Variants in KRABD5 observed in about 807,000 individuals in gnomAD.
KRABD5 encodes the protein KRAB domain-containing protein 5.
the KRABD5 span, among the ~76,000 whole-genome samples, chr16:31,743,504 G>T: frequency 6.6e-6 from 1 of 152,022 alleles, no homozygotes; most frequent in Non-Finnish European, 1.5e-5. Context: ...TACCAGTACC[G>T]TGCTGTTTTG....
chr16:31,758,816 A>C, the KRABD5 span: 1 of 152,098 alleles, frequency 6.6e-6, no homozygotes, highest in Admixed American at 6.6e-5. Flanking sequence ...GCATATTTTA[A>C]GTATCTACCA....
the KRABD5 span, among the ~76,000 whole-genome samples, chr16:31,738,344 A>G: frequency 6.6e-6 from 1 of 152,134 alleles, no homozygotes; most frequent in African/African-American, 2.4e-5. Context: ...TCAATTCTGT[A>G]AAAGTTTGCT....
the KRABD5 span, among the ~76,000 whole-genome samples, chr16:31,738,357 T>C: frequency 1.6e-4 from 25 of 152,286 alleles, no homozygotes; most frequent in African/African-American, 6.0e-4. Flanking sequence ...AGTTTGCTAG[T>C]TGCTGCATAT....
chr16:31,722,822 A>G, the KRABD5 span: 2 of 1,462,504 alleles, frequency 1.4e-6, no homozygotes, highest in Admixed American at 2.6e-5. Flanking sequence ...CCTTTGTAGA[A>G]TGTCACTTGG....
chr16:31,715,978 CT>C, the KRABD5 span, among the ~76,000 whole-genome samples: 1 of 152,180 alleles, frequency 6.6e-6, no homozygotes, highest in Admixed American at 6.5e-5. Context: ...GAACAGACCC[CT>C]GCCCCCACTG....
At chr16:31,759,155 T>C in the KRABD5 span, 5 of 478,640 alleles carry the variant, frequency 1.0e-5, no homozygotes, top group Non-Finnish European at 1.9e-5. Flanking sequence ...TTATGTATCT[T>C]TTAGTCATAA....
At chr16:31,726,622 G>A in the KRABD5 span, among the ~76,000 whole-genome samples, 1 of 152,112 alleles carries the variant, frequency 6.6e-6, no homozygotes, top group African/African-American at 2.4e-5. Context: ...TTAGCCAGGT[G>A]TGGTGGTGCA....
chr16:31,754,596 A>G, the KRABD5 span: 2 of 485,074 alleles, frequency 4.1e-6, no homozygotes, highest in Admixed American at 2.3e-5. Flanking sequence ...AACCATGTCC[A>G]TCAGAGTATC....
the KRABD5 span, chr16:31,714,511 C>G: frequency 2.3e-6 from 1 of 438,644 alleles, no homozygotes; most frequent in African/African-American, 2.0e-5. Flanking sequence ...TTAGAGCTCG[C>G]TAGATGCTTG....
the KRABD5 span, among the ~76,000 whole-genome samples, chr16:31,722,967 C>G: frequency 1.3e-5 from 2 of 152,158 alleles, no homozygotes; most frequent in Non-Finnish European, 2.9e-5. Flanking sequence ...AGAAGCTTCA[C>G]TCTAGTTTAG....
chr16:31,722,632 T>TCCC, the KRABD5 span: 1 of 1,613,166 alleles, frequency 6.2e-7, no homozygotes, highest in East Asian at 2.2e-5. Context: ...TCAGGGACTG[T>TCCC]TGACATTCAG....
the KRABD5 span, among the ~76,000 whole-genome samples, chr16:31,737,862 A>G: frequency 6.6e-6 from 1 of 152,310 alleles, no homozygotes; most frequent in Admixed American, 6.5e-5. Context: ...TTGTGCAAAA[A>G]GTTCCATTAA....
chr16:31,727,289 T>G, the KRABD5 span, among the ~76,000 whole-genome samples: 1 of 152,202 alleles, frequency 6.6e-6, no homozygotes, highest in Admixed American at 6.5e-5. Context: ...ACCTAATTGC[T>G]CTTGTTGCAG....
chr16:31,722,243 T>G, the KRABD5 span, among the ~76,000 whole-genome samples: 5 of 152,098 alleles, frequency 3.3e-5, no homozygotes, highest in Non-Finnish European at 7.3e-5. Context: ...CCAGCTAATT[T>G]TTTGTATTTT....
chr16:31,759,269 C>T, the KRABD5 span: 4 of 1,380,204 alleles, frequency 2.9e-6, no homozygotes, highest in Admixed American at 8.6e-5. Context: ...AAACCAAGCA[C>T]ACATCCTGGA....
chr16:31,731,502 A>G, the KRABD5 span, among the ~76,000 whole-genome samples: 1 of 152,218 alleles, frequency 6.6e-6, no homozygotes, highest in Non-Finnish European at 1.5e-5. Context: ...TCATCCAGTC[A>G]TTGAACAAGT....
At chr16:31,759,545 C>CA in the KRABD5 span, 94 of 876,904 alleles carry the variant, frequency 1.1e-4, no homozygotes, top group Non-Finnish European at 1.2e-4. Flanking sequence ...TACATCTTCA[C>CA]AAAAAAAATC....
At chr16:31,752,454 G>T in the KRABD5 span, among the ~76,000 whole-genome samples, 2 of 152,014 alleles carry the variant, frequency 1.3e-5, no homozygotes, top group Non-Finnish European at 2.9e-5. Flanking sequence ...TCGGTGCTCC[G>T]AAGTTTGGTG....
chr16:31,723,294 T>C, the KRABD5 span: 7 of 1,614,048 alleles, frequency 4.3e-6, no homozygotes, highest in Non-Finnish European at 5.9e-6. Flanking sequence ...ATCACCTTTT[T>C]GGAGCAAAGG....
Sources: gnomAD v4.1 joint callset for allele counts (sites outside exome capture counted in the v4.1 genomes callset) on GRCh38, gnomAD v4.1.1 for gene constraint, MANE v1.5 for transcripts, NCBI Gene and HGNC (gene_info 2026-07-23, HGNC 2026-07-21) for gene names.